Variants in HPSE2 observed in about 807,000 individuals in gnomAD.
The protein encoded by HPSE2 is heparanase 2 (inactive), also known as inactive heparanase-2.
HPSE2 carries 38 observed loss-of-function variants against 60.5 expected under a neutral mutation model. The ratio of observed to expected loss-of-function variants is 0.63; its 90% CI spans 0.48 to 0.82. The LOEUF is 0.82. HPSE2 is among the 40% of genes least tolerant of loss of function. The pLI is 0.00. For synonymous variants in HPSE2, 295 were observed against 293.2 expected (o/e 1.01, Z -0.06); for missense variants, 713 against 740.4 (o/e 0.96, Z 0.43).
At chr10:99,023,529 C>T (rs1178403984) in intron 3 of HPSE2, among the ~76,000 whole-genome samples, 1 of 152,138 alleles carries the variant, frequency 6.6e-6, no homozygotes, top group African/African-American at 2.4e-5. Context: ...GTGGATATAA[C>T]AGGCTTTGGG....
chr10:98,486,933 T>C (rs1199244074), intron 10 of HPSE2, among the ~76,000 whole-genome samples: 2 of 152,222 alleles, frequency 1.3e-5, no homozygotes, highest in African/African-American at 2.4e-5. Flanking sequence ...GTAAGAGCCA[T>C]TTGATGTCCA....
chr10:99,292,729 ATAT>A, the HPSE2 span, among the ~76,000 whole-genome samples: 1 of 152,174 alleles, frequency 6.6e-6, no homozygotes, highest in Non-Finnish European at 1.5e-5. Flanking sequence ...TAAAAATGAG[ATAT>A]TTTACATTTT....
chr10:99,293,980 G>T, the HPSE2 span, among the ~76,000 whole-genome samples: 4 of 152,100 alleles, frequency 2.6e-5, no homozygotes, highest in Admixed American at 2.0e-4. Flanking sequence ...GATGGACAAG[G>T]CTAACATCTT....
intron 9 of HPSE2, among the ~76,000 whole-genome samples, chr10:98,591,185 T>A (rs1372454549): frequency 3.9e-5 from 6 of 152,174 alleles, no homozygotes; most frequent in Non-Finnish European, 8.8e-5. Flanking sequence ...ATCATTTCTG[T>A]GCTCCAATTT....
intron 9 of HPSE2, among the ~76,000 whole-genome samples, chr10:98,598,562 T>C (rs181505267): frequency 1.3e-5 from 2 of 152,228 alleles, no homozygotes; most frequent in African/African-American, 4.8e-5. Context: ...ATGGGTCTGA[T>C]ACCTGGGTCC....
intron 3 of HPSE2, among the ~76,000 whole-genome samples, chr10:99,046,475 G>A (rs961170210): frequency 1.3e-5 from 2 of 152,048 alleles, no homozygotes; most frequent in African/African-American, 4.8e-5. Context: ...GGAAGTGCTA[G>A]CCAGTGCAAT....
the HPSE2 span, among the ~76,000 whole-genome samples, chr10:99,255,950 C>A: frequency 6.6e-6 from 1 of 152,136 alleles, no homozygotes; most frequent in Admixed American, 6.5e-5. Context: ...GGGGAGGCCT[C>A]AGGAAACTTA....
At chr10:99,009,425 A>G (rs912679649) in intron 3 of HPSE2, among the ~76,000 whole-genome samples, 1 of 151,960 alleles carries the variant, frequency 6.6e-6, no homozygotes, top group South Asian at 2.1e-4. Flanking sequence ...GTCTCAAAAA[A>G]CAAACAAACA....
intron 3 of HPSE2, among the ~76,000 whole-genome samples, chr10:99,070,246 T>G (rs925907550): frequency 1.3e-5 from 2 of 152,166 alleles, no homozygotes; most frequent in Non-Finnish European, 2.9e-5. Flanking sequence ...ATCTACAATA[T>G]GAAGAACTCT....
chr10:98,571,716 A>C (rs2133898905), intron 9 of HPSE2, among the ~76,000 whole-genome samples: 1 of 152,326 alleles, frequency 6.6e-6, no homozygotes, highest in South Asian at 2.1e-4. Context: ...TTGTGAGCAG[A>C]AATGAAGGCA....
rs190397814 is a variant in HPSE2, at chr10:99,123,951, T to A, written c.610+20287A>T. 5.9e-5 allele frequency among the ~76,000 whole-genome samples: 9 copies of A among 151,914 alleles called. No homozygotes were observed. The East Asian group carries it at 1.6e-3, about 26-fold the overall frequency. On this transcript the variant is annotated intron_variant, in intron 3 of 11. Coordinates refer to ENST00000370552, the MANE Select transcript of HPSE2 (RefSeq NM_021828.5). ...CCTATCTGCAGACAAGTCATCCTGA[T>A]GAGTGTGCAGTTCTCAGCAGAGAGG...
rs138173608 is a variant in HPSE2, at chr10:99,162,935, C to A, written c.449-18536G>T. Among the ~76,000 whole-genome samples, 273 of 152,260 alleles carry A rather than the reference C, an allele frequency of 1.8e-3. 2 individuals are homozygous for A. The highest frequency in any genetic ancestry group is 6.4e-3 in the African/African-American group (265 of 41,552). On this transcript the variant is annotated intron_variant, in intron 2 of 11. Coordinates refer to ENST00000370552, the MANE Select transcript of HPSE2 (RefSeq NM_021828.5). ...TTGGAAAATAGGCTTCATGGCCAGG[C>A]GCGGTGGCTCACACCTATAATCCCA...
At chr10:98,619,347 C>T (rs946501560) in intron 8 of HPSE2, among the ~76,000 whole-genome samples, 1 of 152,198 alleles carries the variant, frequency 6.6e-6, no homozygotes, top group African/African-American at 2.4e-5. Flanking sequence ...TAATGAGAGG[C>T]CCTTATGCTT....
chr10:98,760,474 T>C (rs1949981014), intron 3 of HPSE2, among the ~76,000 whole-genome samples: 1 of 152,096 alleles, frequency 6.6e-6, no homozygotes, highest in Non-Finnish European at 1.5e-5. Context: ...AGATACATTC[T>C]TTGTATATCA....
At position 98,832,325 on chromosome 10, in the gene HPSE2, T is replaced by C. The variant is rs146387736; in HGVS notation, c.611-88269A>G. Among the ~76,000 whole-genome samples the C allele has an allele frequency of 3.0e-4, 46 of 152,272 alleles. 1 individual carries two copies. In the East Asian group the frequency reaches 7.5e-3, roughly 25 times the overall value. On this transcript the variant is annotated intron_variant, in intron 3 of 11. Transcript: ENST00000370552. Reference sequence around the variant, plus strand: ...GGGAATGAGTTTAATCCTCAAATGGTAAGAGTTTTGGATGTCAGGAATGAG... The same window carrying C: ...GGGAATGAGTTTAATCCTCAAATGGCAAGAGTTTTGGATGTCAGGAATGAG...
chr10:99,258,748 A>ATTGAAC, the HPSE2 span, among the ~76,000 whole-genome samples: 2 of 152,248 alleles, frequency 1.3e-5, no homozygotes, highest in African/African-American at 2.4e-5. Flanking sequence ...TTTGACAAAG[A>ATTGAAC]TGCAAAGGTA....
the HPSE2 span, among the ~76,000 whole-genome samples, chr10:99,304,810 C>A: frequency 6.6e-6 from 1 of 152,122 alleles, no homozygotes; most frequent in Non-Finnish European, 1.5e-5. Context: ...CAGACAGAAA[C>A]GAATGAAACT....
the HPSE2 span, among the ~76,000 whole-genome samples, chr10:99,279,325 T>C: frequency 5.3e-5 from 8 of 152,170 alleles, no homozygotes; most frequent in Non-Finnish European, 1.0e-4. Context: ...TGATGCTGGA[T>C]TTTTGGACCA....
chr10:98,475,028 G>A (rs186866333), intron 11 of HPSE2, among the ~76,000 whole-genome samples: 24 of 152,114 alleles, frequency 1.6e-4, no homozygotes, highest in Admixed American at 1.4e-3. Context: ...ATTCTGATCC[G>A]AAACATTCAC....
Sources: gnomAD v4.1 joint callset for allele counts (sites outside exome capture counted in the v4.1 genomes callset) on GRCh38, gnomAD v4.1.1 for gene constraint, MANE v1.5 for transcripts, NCBI Gene and HGNC (gene_info 2026-07-23, HGNC 2026-07-21) for gene names.